KCND3: variants seen among roughly 807,000 people sequenced by gnomAD.
KCND3 encodes A-type voltage-gated potassium channel KCND3.
KCND3 carries 9 observed loss-of-function variants against 51.1 expected under a neutral mutation model. The ratio of observed to expected loss-of-function variants is 0.18; its 90% CI spans 0.11 to 0.31. The LOEUF (loss-of-function observed/expected upper bound fraction) is 0.31, where lower values mean the gene tolerates loss of function less well. Ranked by LOEUF, KCND3 falls within the 10% of genes least tolerant of loss-of-function variation. The pLI is 1.00. For synonymous variants in KCND3, 349 were observed against 368.0 expected (o/e 0.95, Z 0.59); for missense variants, 526 against 903.8 (o/e 0.58, Z 5.36).
chr1:111,825,350 C>T (rs954615674), intron 2 of KCND3, among the ~76,000 whole-genome samples: 4 of 152,108 alleles, frequency 2.6e-5, no homozygotes, highest in Non-Finnish European at 5.9e-5. Context: ...TTAAATGCCG[C>T]ACATACTTCC....
chr1:111,881,543 T>C (rs576144691), intron 2 of KCND3, among the ~76,000 whole-genome samples: 1 of 152,308 alleles, frequency 6.6e-6, no homozygotes, highest in Admixed American at 6.5e-5. Flanking sequence ...CTACTGCGTG[T>C]GGAAAAATGA....
intron 2 of KCND3, among the ~76,000 whole-genome samples, chr1:111,807,048 C>G (rs997441139): frequency 6.6e-6 from 1 of 152,184 alleles, no homozygotes; most frequent in Non-Finnish European, 1.5e-5. Context: ...AATTAAAATC[C>G]TCTCTGGAGG....
At chr1:111,886,802 T>C (rs1669590476) in intron 2 of KCND3, among the ~76,000 whole-genome samples, 2 of 152,316 alleles carry the variant, frequency 1.3e-5, no homozygotes, top group South Asian at 4.1e-4. Context: ...TGAGGTGACA[T>C]GGCCAGTAGA....
In KCND3 at chr1:111,777,271, G is replaced by A. The variant is rs1283820543; in HGVS notation, c.1521C>T (p.Asn507=). ...ACATCTGCTCATCAATAAACTCGTG[G>A]TTCTGCGGGAGGCAGAAGGAGAAGA... ...LLSVRTSTIK[N]HEFIDEQMFE... Residue 507 remains asparagine, a splice_region_variant and synonymous_variant, in exon 7 of 8, where the codon AAC becomes AAT. Coordinates refer to ENST00000302127, the MANE Select transcript of KCND3 (RefSeq NM_001378969.1). 1.2e-6 allele frequency: 2 copies of A among 1,614,186 alleles called. No homozygotes were observed. Among genetic ancestry groups the A allele is most frequent in the East Asian group, 2.2e-5 (1 of 44,884 alleles).
At chr1:111,866,627 T>C (rs1242183112) in intron 2 of KCND3, among the ~76,000 whole-genome samples, 6 of 60,782 alleles carry the variant, frequency 9.9e-5, no homozygotes, top group Non-Finnish European at 2.3e-4. Context: ...CACACACGGC[T>C]GAGAAGCTGA....
intron 2 of KCND3, among the ~76,000 whole-genome samples, chr1:111,855,656 AG>A (rs1403558174): frequency 6.6e-6 from 1 of 152,164 alleles, no homozygotes; most frequent in African/African-American, 2.4e-5. Flanking sequence ...TGGGTCTAGG[AG>A]GACCATATCT....
intron 2 of KCND3, among the ~76,000 whole-genome samples, chr1:111,903,783 G>C (rs1352680250): frequency 6.6e-6 from 1 of 152,190 alleles, no homozygotes; most frequent in Non-Finnish European, 1.5e-5. Context: ...CTCTCAGCCA[G>C]TTCATAGGAT....
At chr1:111,951,584 A>G (rs1374083002) in intron 2 of KCND3, among the ~76,000 whole-genome samples, 1 of 152,228 alleles carries the variant, frequency 6.6e-6, no homozygotes, top group East Asian at 1.9e-4. Context: ...ACAAATACTT[A>G]CTGAGCACCT....
intron 2 of KCND3, among the ~76,000 whole-genome samples, chr1:111,830,648 T>C (rs1301489718): frequency 6.6e-6 from 1 of 152,224 alleles, no homozygotes; most frequent in Non-Finnish European, 1.5e-5. Flanking sequence ...AAACCACAGA[T>C]ATCAACAGAT....
chr1:111,829,019 G>A (rs1484857076), intron 2 of KCND3, among the ~76,000 whole-genome samples: 2 of 152,142 alleles, frequency 1.3e-5, no homozygotes, highest in Non-Finnish European at 2.9e-5. Flanking sequence ...AGCCACCCGC[G>A]AAACAAATGC....
intron 2 of KCND3, among the ~76,000 whole-genome samples, chr1:111,885,164 G>C (rs1163276594): frequency 6.6e-6 from 1 of 152,168 alleles, no homozygotes; most frequent in African/African-American, 2.4e-5. Context: ...TTATCTTTGT[G>C]ACTAAGGAGG....
chr1:111,830,319 G>T (rs924717202), intron 2 of KCND3, among the ~76,000 whole-genome samples: 1 of 152,158 alleles, frequency 6.6e-6, no homozygotes, highest in Non-Finnish European at 1.5e-5. Flanking sequence ...CAGCATAAAA[G>T]GCTTGCTCAG....
intron 2 of KCND3, among the ~76,000 whole-genome samples, chr1:111,898,714 C>T (rs997403542): frequency 1.3e-5 from 2 of 152,000 alleles, no homozygotes; most frequent in Non-Finnish European, 2.9e-5. Context: ...AGGGAAAGGG[C>T]GAAACGGAGA....
At chr1:111,834,972 C>T (rs1256604962) in intron 2 of KCND3, among the ~76,000 whole-genome samples, 1 of 152,158 alleles carries the variant, frequency 6.6e-6, no homozygotes, top group Admixed American at 6.5e-5. Context: ...TGGGTTCAGA[C>T]CAACTTGGAA....
Position 111,780,920 on chromosome 1 carries a change from C to A in KCND3, c.1270-129G>T. The A allele has an allele frequency of 1.3e-6, 1 of 756,434 alleles. No individual in the cohort carries two copies. The highest frequency in any genetic ancestry group is 2.3e-6 in the Non-Finnish European group (1 of 435,158). The allele number at this position is 756,434 out of a possible 1,614,324, so 46.9% of individuals were successfully genotyped here. On this transcript the variant is annotated intron_variant, in intron 3 of 7. Coordinates refer to ENST00000302127, the MANE Select transcript of KCND3 (RefSeq NM_001378969.1). This position sits in a 1 kb window ranked among gnomAD's most constrained non-coding sequence, Gnocchi z 4.2. ...AGGGGATGAGGCTGTTTCTCTCCAA[C>A]CTCATGCATCTCCAGTTGTGTACCC...
At chr1:111,955,491 C>T (rs185561016) in intron 2 of KCND3, among the ~76,000 whole-genome samples, 1 of 152,240 alleles carries the variant, frequency 6.6e-6, no homozygotes, top group African/African-American at 2.4e-5. Context: ...GTAAATCATC[C>T]CCTCCTCTGT....
chr1:111,986,503 G>GCCC (rs1675293301), intron 1 of KCND3, among the ~76,000 whole-genome samples: 1 of 152,216 alleles, frequency 6.6e-6, no homozygotes. Context: ...GCAGCAATGA[G>GCCC]CAAGGGCTCA....
chr1:111,875,753 G>A (rs902712534), intron 2 of KCND3, among the ~76,000 whole-genome samples: 1 of 152,168 alleles, frequency 6.6e-6, no homozygotes, highest in Non-Finnish European at 1.5e-5. Flanking sequence ...CTGGACTCGG[G>A]GCCTCCAGAT....
At chr1:111,949,210 T>C (rs1198315553) in intron 2 of KCND3, among the ~76,000 whole-genome samples, 1 of 152,236 alleles carries the variant, frequency 6.6e-6, no homozygotes, top group African/African-American at 2.4e-5. Context: ...CACAGCAAAG[T>C]GAGCCTGGGC....
Sources: allele counts gnomAD v4.1 joint callset (sites outside exome capture counted in the v4.1 genomes callset), GRCh38; gene constraint gnomAD v4.1.1; non-coding constraint Gnocchi (gnomAD v3.1); transcripts MANE v1.5; gene names NCBI Gene and HGNC (gene_info 2026-07-23, HGNC 2026-07-21).